The following ELN variants were observed in gnomAD, a reference collection of about 807,000 sequenced individuals.
ELN encodes the protein tropoelastin.
A neutral mutation model predicts 105.8 loss-of-function variants in ELN; 65 were observed. That is an observed-to-expected ratio of 0.61 (90% CI 0.50 to 0.75). The LOEUF (loss-of-function observed/expected upper bound fraction) is 0.75. ELN is among the 30% of genes least tolerant of loss of function. The probability of loss-of-function intolerance (pLI) is 0.00; values close to 1 mark genes in which losing one functional copy is unlikely to be tolerated. For synonymous variants in ELN, 368 were observed against 389.2 expected (o/e 0.95, Z 0.64); for missense variants, 882 against 969.4 (o/e 0.91, Z 1.20).
intron 3 of ELN, among the ~76,000 whole-genome samples, chr7:74,036,858 T>A (rs868943563): frequency 6.6e-6 from 1 of 152,196 alleles, no homozygotes; most frequent in African/African-American, 2.4e-5. Flanking sequence ...TCTCGTTCTG[T>A]CGCCCAGGCT....
intron 3 of ELN, among the ~76,000 whole-genome samples, chr7:74,036,967 C>T (rs553069386): frequency 8.5e-5 from 13 of 152,064 alleles, no homozygotes; most frequent in South Asian, 6.2e-4. Flanking sequence ...ACTACAGGCG[C>T]GTGCCACCAC....
In ELN at chr7:74,060,032, C is replaced by T. The variant is rs746910298; in HGVS notation, c.1561C>T (p.Pro521Ser). 6.2e-7 allele frequency: 1 copy of T among 1,613,996 alleles called. No individual in the cohort carries two copies. ...PGVGVAPGIG[P>S]GGVAAAAKSA... ...CGTTGGCGTGGCTCCCGGCATTGGC[C>T]CTGGTGGAGTTGCAGGTGAGTTTCA... The change falls in exon 23 of 33, where the codon CCT becomes TCT. Residue 521 changes from proline (P) to serine (S), a missense_variant. Physicochemically the swap from Pro to Ser is moderately conservative, Grantham distance 74. Transcript: ENST00000252034.
chr7:74,064,323 A>G lies in ELN; in HGVS notation c.1993+628A>G, dbSNP rs1428899472. 5.1e-4 allele frequency among the ~76,000 whole-genome samples: 77 copies of G among 151,206 alleles called. 1 individual carries two copies. The highest frequency in any genetic ancestry group is 2.7e-3 in the South Asian group (13 of 4,786). On this transcript the variant is annotated intron_variant, in intron 29 of 32. Transcript: ENST00000252034. The stretch of plus-strand genomic sequence containing the variant: ...CCAGCTACTCAGGAGGCTGAGGCAG[A>G]AGAATGGCGTGAACCTGGGAGGCGG...
intron 4 of ELN, 34 bp from the exon 5 acceptor site, chr7:74,041,182 T>C (rs782726412): frequency 6.2e-7 from 1 of 1,613,838 alleles, no homozygotes; most frequent in African/African-American, 1.3e-5. Context: ...CTAGGAACAC[T>C]GCCTACACTC....
At chr7:74,045,149 C>T (rs1792165926) in intron 9 of ELN, 73 bp from the exon 10 acceptor site, 5 of 1,579,936 alleles carry the variant, frequency 3.2e-6, no homozygotes, top group East Asian at 2.2e-5. Context: ...CTGGGGGACC[C>T]GAGGAGGGGA....
chr7:74,048,582 G>A (rs1194440571), intron 15 of ELN, 26 bp downstream of exon 15: 1 of 1,613,142 alleles, frequency 6.2e-7, no homozygotes, highest in Non-Finnish European at 8.5e-7. Context: ...GTCCCCACCT[G>A]GTGGCCTCCA....
rs782231739 is a variant in ELN, at chr7:74,046,751, G to A, written c.627G>A (p.Lys209=). 4.3e-6 allele frequency: 7 copies of A among 1,614,150 alleles called. No homozygotes were observed. The highest frequency in any genetic ancestry group is 5.1e-6 in the Non-Finnish European group (6 of 1,180,012). ...QPGVPLGYPI[K]APKLPGGYGL... ...GAGTCCCACTGGGGTATCCCATCAAGGCCCCCAAGCTGCCTGGTAAGTCAG... is the reference window on the plus strand; with the variant it reads ...GAGTCCCACTGGGGTATCCCATCAAAGCCCCCAAGCTGCCTGGTAAGTCAG... The change falls in exon 12 of 33, where the codon AAG becomes AAA. Residue 209 remains lysine, a synonymous_variant. Coordinates refer to ENST00000252034, the MANE Select transcript of ELN (RefSeq NM_000501.4).
Position 74,035,671 on chromosome 7 carries a change from A to T in ELN, c.133+257A>T. 3 of 564,486 alleles carry T rather than the reference A, an allele frequency of 5.3e-6. No individual in the cohort carries two copies. The South Asian group carries it at 5.7e-5, about 11-fold the overall frequency. 35.0% of individuals were successfully genotyped at this position (564,486 alleles called of 1,614,324 possible). On this transcript the variant is annotated intron_variant, in intron 2 of 32. Transcript: ENST00000252034. The stretch of plus-strand genomic sequence containing the variant: ...GATTGCTTGAGGCCAGGAGTTTCAG[A>T]CCAGCCTGGACAACATAGTGAGATC...
chr7:74,067,878 A>G (rs886488532), intron 32 of ELN, among the ~76,000 whole-genome samples: 51 of 145,314 alleles, frequency 3.5e-4, no homozygotes, highest in African/African-American at 1.3e-3. Flanking sequence ...CAGTGAGCTG[A>G]GACTACACCA....
intron 22 of ELN, among the ~76,000 whole-genome samples, chr7:74,057,918 C>G (rs551286148): frequency 6.6e-6 from 1 of 152,268 alleles, no homozygotes; most frequent in South Asian, 2.1e-4. Flanking sequence ...GTGAGCCTCC[C>G]TGTTCCTAAA....
At chr7:74,039,774 C>T (rs907762760) in intron 4 of ELN, among the ~76,000 whole-genome samples, 13 of 152,224 alleles carry the variant, frequency 8.5e-5, no homozygotes. Context: ...CACACATGCT[C>T]ACTGGTCCCA....
chr7:74,035,748 C>A, intron 2 of ELN: 1 of 389,552 alleles, frequency 2.6e-6, no homozygotes, highest in Non-Finnish European at 4.8e-6. Context: ...CCATGTTCTG[C>A]ATTGAGAAAA....
rs532604614 is a variant in ELN, at chr7:74,037,196, CT to C, written c.164-497del. Reference sequence around the variant, plus strand: ...AAGCCGGCTGAGCAGGCACCATCTTCTTTTTTTTTTTTTTGAGACAAAGTCT... The same window carrying C: ...AAGCCGGCTGAGCAGGCACCATCTTCTTTTTTTTTTTTTGAGACAAAGTCT... On this transcript the variant is annotated intron_variant, in intron 3 of 32. Coordinates refer to ENST00000252034, the MANE Select transcript of ELN (RefSeq NM_000501.4). Among the ~76,000 whole-genome samples, 593 of 138,044 alleles carry C rather than the reference CT, an allele frequency of 4.3e-3. 1 individual carries two copies. Among genetic ancestry groups the C allele is most frequent in the South Asian group, 0.013 (54 of 4,288 alleles). 90.6% of individuals were successfully genotyped at this position (138,044 alleles called of 152,430 possible). A position where few individuals can be genotyped will look rare whatever the true frequency, so the allele number is the denominator to read the frequency against.
At chr7:74,044,299 C>A (rs782280155) in intron 9 of ELN, among the ~76,000 whole-genome samples, 1 of 151,986 alleles carries the variant, frequency 6.6e-6, no homozygotes. Context: ...CCTAGTACCC[C>A]CCTCGCCTCC....
chr7:74,069,094 T>G lies in ELN; in HGVS notation c.*394T>G. 1 of 383,812 alleles carries G rather than the reference T, an allele frequency of 2.6e-6. No individual in the cohort carries two copies. The highest frequency in any genetic ancestry group is 3.0e-5 in the South Asian group (1 of 33,048). 23.8% of individuals were successfully genotyped at this position (383,812 alleles called of 1,614,324 possible). A position where few individuals can be genotyped will look rare whatever the true frequency, so the allele number is the denominator to read the frequency against. ...CTACCTGGGGCTCCTCTAAAGATGGTGCAGACACTTCCTGGGCAGTCCCAG... is the reference window on the plus strand; with the variant it reads ...CTACCTGGGGCTCCTCTAAAGATGGGGCAGACACTTCCTGGGCAGTCCCAG... On this transcript the variant is annotated 3_prime_UTR_variant, in exon 33 of 33. Coordinates refer to ENST00000252034, the MANE Select transcript of ELN (RefSeq NM_000501.4).
intron 10 of ELN, 83 bp from the exon 11 acceptor site, chr7:74,046,105 C>A: frequency 6.3e-7 from 1 of 1,589,496 alleles, no homozygotes; most frequent in Non-Finnish European, 8.6e-7. Context: ...ACTGGCCATT[C>A]CTTGGGCCTC....
intron 32 of ELN, among the ~76,000 whole-genome samples, chr7:74,068,440 C>T (rs951011518): frequency 2.0e-5 from 3 of 152,226 alleles, no homozygotes; most frequent in Non-Finnish European, 4.4e-5. Flanking sequence ...TTTCTGCGAG[C>T]GTTGGTTTCA....
chr7:74,051,603 C>A, intron 15 of ELN, 147 bp from the exon 16 acceptor site: 2 of 756,166 alleles, frequency 2.6e-6, no homozygotes, highest in Non-Finnish European at 4.3e-6. Flanking sequence ...GGGGTGGGGG[C>A]CTCCCCAGAC....
chr7:74,060,278 G>A (rs1399091512), intron 24 of ELN, 94 bp downstream of exon 24: 2 of 1,613,806 alleles, frequency 1.2e-6, no homozygotes, highest in Non-Finnish European at 1.7e-6. Flanking sequence ...TTGGATCTGG[G>A]CCCCTTCCTC....
Sources: allele counts gnomAD v4.1 joint callset (sites outside exome capture counted in the v4.1 genomes callset), GRCh38; gene constraint gnomAD v4.1.1; transcripts MANE v1.5; gene names NCBI Gene and HGNC (gene_info 2026-07-23, HGNC 2026-07-21).